UBA7: variants seen among roughly 807,000 people sequenced by gnomAD.
UBA7 encodes ubiquitin like modifier activating enzyme 7.
UBA7 carries 88 observed loss-of-function variants against 113.0 expected under a neutral mutation model. That is an observed-to-expected ratio of 0.78 (90% CI 0.66 to 0.93). The LOEUF is 0.93. Among genes scored for constraint, UBA7 ranks in the 40% least tolerant of loss-of-function variants. The pLI is 0.00. For missense variants in UBA7, 1,092 were observed against 1,266.4 expected, an observed-to-expected ratio of 0.86 and a Z score of 2.09; for synonymous variants, 459 against 513.0, an observed-to-expected ratio of 0.89 and a Z score of 1.42.
Position 49,807,150 on chromosome 3 carries a change from C to G in UBA7, c.2715+586G>C, listed in dbSNP as rs1391442163. 6.6e-6 allele frequency among the ~76,000 whole-genome samples: 1 copy of G among 152,198 alleles called. No individual in the cohort carries two copies. The highest frequency in any genetic ancestry group is 6.5e-5 in the Admixed American group (1 of 15,286). On this transcript the variant is annotated intron_variant, in intron 21 of 23. Transcript: ENST00000333486. This position sits in a 1 kb window ranked among gnomAD's most constrained non-coding sequence, Gnocchi z 4.0. ...GCCCACATGCATCTCCATGCATGCC[C>G]ACATTGAGGACACAGGAAGATGGGA...
In UBA7 at chr3:49,805,246, C is replaced by T; in HGVS notation, c.*62G>A. 6.5e-7 allele frequency: 1 copy of T among 1,532,470 alleles called. No individual in the cohort carries two copies. The highest frequency in any genetic ancestry group is 1.4e-5 in the African/African-American group (1 of 73,348). 94.9% of individuals were successfully genotyped at this position (1,532,470 alleles called of 1,614,324 possible). ...GCATTTATTGAGTGCCTACTGTGGGCTTACAATGCAGGGCTTGGGATCCGG... is the reference window on the plus strand; with the variant it reads ...GCATTTATTGAGTGCCTACTGTGGGTTTACAATGCAGGGCTTGGGATCCGG... On this transcript the variant is annotated 3_prime_UTR_variant, in exon 24 of 24. Coordinates refer to ENST00000333486, the MANE Select transcript of UBA7 (RefSeq NM_003335.3).
Position 49,810,308 on chromosome 3 carries a change from A to G in UBA7, c.1588T>C (p.Ser530Pro). The G allele has an allele frequency of 6.2e-7, 1 of 1,614,082 alleles. No homozygotes were observed. Among genetic ancestry groups the G allele is most frequent in the African/African-American group, 1.3e-5 (1 of 75,014 alleles). The change falls in exon 13 of 24, where the codon TCC becomes CCC. Residue 530 changes from serine to proline, a missense_variant. Ser to Pro is a moderately conservative substitution (Grantham distance 74). This residue lies in a region of UBA7 where 584 missense variants were observed against 714.5 expected (regional missense o/e 0.82). Coordinates refer to ENST00000333486, the MANE Select transcript of UBA7 (RefSeq NM_003335.3). The surrounding 1 kb of genome is among the most constrained non-coding windows in gnomAD (Gnocchi z 5.6). ...TEHIYGDNFF[S>P]RVDGVAAALD... ...GCAGCAGCCACACCATCCACACGGG[A>G]GAAAAAGTTATCCCCATAGATGTGC...
At chr3:49,809,903 AG>A in intron 14 of UBA7, 24 bp from the exon 15 acceptor site, 1 of 1,614,042 alleles carries the variant, frequency 6.2e-7, no homozygotes, top group Non-Finnish European at 8.5e-7. Flanking sequence ...AGGAAGAATG[AG>A]GTATCAGGTG....
At position 49,813,542 on chromosome 3, in the gene UBA7, C is replaced by T; in HGVS notation, c.162G>A (p.Met54Ile). Residue 54 changes from methionine (M) to isoleucine (I), a missense_variant, in exon 2 of 24, where the codon ATG becomes ATA. Transcript: ENST00000333486. ...GAEVAKNLVL[M>I]GVGSLTLHDP... ...CATGCAGAGTGAGGCTGCCCACACC[C>T]ATCAGAACCAAGTTCTTGGCCACCT... is the stretch of plus-strand genomic sequence containing the variant. The T allele has an allele frequency of 1.2e-6, 2 of 1,614,048 alleles. No homozygotes were observed. Among genetic ancestry groups the T allele is most frequent in the East Asian group, 2.2e-5 (1 of 44,886 alleles).
intron 6 of UBA7, 23 bp from the exon 7 acceptor site, chr3:49,812,229 A>G (rs1414135203): frequency 6.2e-7 from 1 of 1,613,820 alleles, no homozygotes; most frequent in African/African-American, 1.3e-5. Context: ...CAGTCTAGTC[A>G]GTAATGATCC....
chr3:49,810,546 G>GA lies in UBA7; in HGVS notation c.1437dup (p.Gln480SerfsTer11), dbSNP rs1236681378. 1 of 1,614,190 alleles carries GA rather than the reference G, an allele frequency of 6.2e-7. No homozygotes were observed. Reference sequence around the variant, plus strand: ...ACGTCCTGGGACCTGAAGAGGAACTGACGGCTGAGATTGGAGCGCTCTATG... The same window carrying GA: ...ACGTCCTGGGACCTGAAGAGGAACTGAACGGCTGAGATTGGAGCGCTCTATG... On this transcript the variant is annotated frameshift_variant, in exon 12 of 24. Transcript: ENST00000333486. LOFTEE classifies it high-confidence loss of function. This position sits in a 1 kb window ranked among gnomAD's most constrained non-coding sequence, Gnocchi z 5.6.
Position 49,808,033 on chromosome 3 carries a change from A to T in UBA7, c.2510T>A (p.Val837Asp). ...LRCQNYGIPP[V>D]NRAQSKRIVG... ...GGGTGGGGTTACCTGGGCACGGTTG[A>T]CCGGTGGAATCCCGTAGTTCTGACA... Residue 837 changes from valine (V) to aspartate (D), a missense_variant, in exon 20 of 24, where the codon GTC (valine) becomes GAC (aspartate). Val to Asp is a radical substitution (Grantham distance 152). This residue lies in a region of UBA7 where 500 missense variants were observed against 529.3 expected (regional missense o/e 0.94). Coordinates refer to ENST00000333486, the MANE Select transcript of UBA7 (RefSeq NM_003335.3). The T allele has an allele frequency of 6.2e-7, 1 of 1,614,124 alleles. No individual in the cohort carries two copies. Among genetic ancestry groups the T allele is most frequent in the Non-Finnish European group, 8.5e-7 (1 of 1,179,996 alleles).
rs1366911043 is a variant in UBA7, at chr3:49,813,731, C to G, written c.56+1G>C. 2 of 1,614,268 alleles carry G rather than the reference C, an allele frequency of 1.2e-6. No individual in the cohort carries two copies. The highest frequency in any genetic ancestry group is 2.2e-5 in the South Asian group (2 of 91,092). On this transcript the variant is annotated splice_donor_variant, in intron 1 of 23. Transcript: ENST00000333486. LOFTEE classifies it high-confidence loss of function. ...TCTCCACCCCCCACCTCGGGCCTCA[C>G]AGCTGTCTTGAATACAGCTCCTCAT...
intron 15 of UBA7, 41 bp from the exon 16 acceptor site, chr3:49,809,766 C>T: frequency 6.2e-7 from 1 of 1,614,110 alleles, no homozygotes; most frequent in Non-Finnish European, 8.5e-7. Flanking sequence ...GTCCTGCAGA[C>T]TCATGCTTGG....
rs1408759846 is a variant in UBA7 at position 49,810,219 on chromosome 3, C to T, written c.1634-36G>A. 2 of 1,612,570 alleles carry T rather than the reference C, an allele frequency of 1.2e-6. No homozygotes were observed. Among genetic ancestry groups the T allele is most frequent in the East Asian group, 2.2e-5 (1 of 44,850 alleles). ...AGCAGTGGGTCAGAAGTGGGACTGG[C>T]ACAGCTGTGGGCAAGGGACTGACCT... On this transcript the variant is annotated intron_variant, in intron 13 of 23. Coordinates refer to ENST00000333486, the MANE Select transcript of UBA7 (RefSeq NM_003335.3). This position sits in a 1 kb window ranked among gnomAD's most constrained non-coding sequence, Gnocchi z 5.6.
In UBA7 at chr3:49,808,594, C is replaced by T. The variant is rs1575371224; in HGVS notation, c.2348-126G>A. On this transcript the variant is annotated intron_variant, in intron 18 of 23. Coordinates refer to ENST00000333486, the MANE Select transcript of UBA7 (RefSeq NM_003335.3). ...ACTATTCCCTGATCAAATCAAGAAGCCCCCTTAATTAATGCTACAATCTCC... is the reference window on the plus strand; with the variant it reads ...ACTATTCCCTGATCAAATCAAGAAGTCCCCTTAATTAATGCTACAATCTCC... 3.1e-5 allele frequency: 32 copies of T among 1,020,758 alleles called. No individual in the cohort carries two copies. The East Asian group carries it at 7.8e-4, about 25-fold the overall frequency. The allele number at this position is 1,020,758 out of a possible 1,614,324, so 63.2% of individuals were successfully genotyped here. A position where few individuals can be genotyped will look rare whatever the true frequency, so the allele number is the denominator to read the frequency against.
chr3:49,807,727 T>C lies in UBA7; in HGVS notation c.2715+9A>G. 1.3e-6 allele frequency: 2 copies of C among 1,598,850 alleles called. No homozygotes were observed. The highest frequency in any genetic ancestry group is 1.7e-6 in the Non-Finnish European group (2 of 1,171,908). On this transcript the variant is annotated intron_variant, in intron 21 of 23. Transcript: ENST00000333486. This position sits in a 1 kb window ranked among gnomAD's most constrained non-coding sequence, Gnocchi z 4.0. ...TAGTAGGGCTAAGGGTGGGGTATCA[T>C]GGGCTCACCGTCTGGATGGCTGGGG...
In UBA7 at chr3:49,810,678, GGC is replaced by G; in HGVS notation, c.1312-8_1312-7del. ...CCAATGGCACCAGCGCCCACCTGTT[GGC>G]AGGAACAGCCTTAGCCAGAGGGGCT... is the stretch of plus-strand genomic sequence containing the variant. On this transcript the variant is annotated splice_polypyrimidine_tract_variant and splice_region_variant and intron_variant, in intron 11 of 23. Coordinates refer to ENST00000333486, the MANE Select transcript of UBA7 (RefSeq NM_003335.3). The surrounding 1 kb of genome is among the most constrained non-coding windows in gnomAD (Gnocchi z 5.6). 6.2e-7 allele frequency: 1 copy of G among 1,614,072 alleles called. No individual in the cohort carries two copies. Among genetic ancestry groups the G allele is most frequent in the Non-Finnish European group, 8.5e-7 (1 of 1,179,972 alleles).
intron 4 of UBA7, 146 bp downstream of exon 4, chr3:49,812,916 G>T: frequency 8.6e-7 from 1 of 1,159,214 alleles, no homozygotes; most frequent in Non-Finnish European, 1.2e-6. Context: ...GAACCAGAGG[G>T]CAGGACTGGG....
rs1266507699 is a variant in UBA7, at chr3:49,813,585, A to C, written c.119T>G (p.Leu40Arg). Residue 40 changes from leucine to arginine, a missense_variant, in exon 2 of 24, where the codon CTG (leucine) becomes CGG (arginine). By Grantham distance (102) the Leu-to-Arg change is moderately radical. Coordinates refer to ENST00000333486, the MANE Select transcript of UBA7 (RefSeq NM_003335.3). ...GGCCACCTCGGCCCCCAGGCCCTGCAGGCCTGACACCAGGACCCTGGCTCC... is the reference window on the plus strand; with the variant it reads ...GGCCACCTCGGCCCCCAGGCCCTGCCGGCCTGACACCAGGACCCTGGCTCC... Reference protein sequence around the residue: ...IQGARVLVSGLQGLGAEVAKN... With the variant: ...IQGARVLVSGRQGLGAEVAKN... 1.9e-6 allele frequency: 3 copies of C among 1,614,052 alleles called. No individual in the cohort carries two copies. Among genetic ancestry groups the C allele is most frequent in the Non-Finnish European group, 2.5e-6 (3 of 1,180,062 alleles).
rs780451076 is a variant in UBA7, at chr3:49,809,653, C to T, written c.1977G>A (p.Leu659=). ...CTTGCCAGTTCTGTGGACGCACTCT[C>T]AGGACCCCAAGCACTGGCTTCAGTA... ...LTLLKPVLGV[L]RVRPQNWQDC... is the part of the protein sequence containing the mutation. Residue 659 remains leucine (L), a synonymous_variant, in exon 16 of 24, where the codon CTG becomes CTA. Coordinates refer to ENST00000333486, the MANE Select transcript of UBA7 (RefSeq NM_003335.3). 2 of 1,614,132 alleles carry T rather than the reference C, an allele frequency of 1.2e-6. No individual in the cohort carries two copies. Among genetic ancestry groups the T allele is most frequent in the East Asian group, 2.2e-5 (1 of 44,890 alleles).
At chr3:49,806,252 G>A (rs1439662265) in intron 21 of UBA7, 87 bp from the exon 22 acceptor site, 2 of 1,220,702 alleles carry the variant, frequency 1.6e-6, no homozygotes, top group Non-Finnish European at 2.3e-6. Flanking sequence ...TAGGGGAAGA[G>A]CTGGACTAGC....
At chr3:49,812,874 T>C in intron 4 of UBA7, 136 bp from the exon 5 acceptor site, 1 of 1,199,162 alleles carries the variant, frequency 8.3e-7, no homozygotes, top group Non-Finnish European at 1.2e-6. Context: ...TTTGAGAGGG[T>C]TACTGGAGCA....
At position 49,812,729 on chromosome 3, in the gene UBA7, GAAC is replaced by G; in HGVS notation, c.474_476del (p.Leu158del). On this transcript the variant is annotated inframe_deletion, in exon 5 of 24. Transcript: ENST00000333486. ...CAGTGAAGTCCTCACCAAAGTCACA[GAAC>G]AACTGCCTGAGATGGGGTGGTAGGG... 1 of 1,614,226 alleles carries G rather than the reference GAAC, an allele frequency of 6.2e-7. No individual in the cohort carries two copies. Among genetic ancestry groups the G allele is most frequent in the Non-Finnish European group, 8.5e-7 (1 of 1,180,036 alleles).
Sources: allele counts gnomAD v4.1 joint callset (sites outside exome capture counted in the v4.1 genomes callset), GRCh38; gene constraint gnomAD v4.1.1; regional missense constraint gnomAD v4.1.1; non-coding constraint Gnocchi (gnomAD v3.1); transcripts MANE v1.5; gene names NCBI Gene and HGNC (gene_info 2026-07-23, HGNC 2026-07-21).